MCC: variants seen among roughly 807,000 people sequenced by gnomAD.
The protein encoded by MCC is MCC regulator of Wnt signaling pathway.
Under a neutral mutation model 116.2 loss-of-function variants are expected in MCC, and 90 were observed. That is an observed-to-expected ratio of 0.77 (90% CI 0.65 to 0.92). The LOEUF is 0.92. MCC is among the 40% of genes least tolerant of loss of function. The pLI is 0.00. For synonymous variants in MCC, 578 were observed against 510.5 expected (o/e 1.13, Z -1.78); for missense variants, 1,516 against 1,312.2 (o/e 1.16, Z -2.40).
At chr5:113,112,117 C>G (rs1216000985) in intron 6 of MCC, among the ~76,000 whole-genome samples, 1 of 152,160 alleles carries the variant, frequency 6.6e-6, no homozygotes, top group Non-Finnish European at 1.5e-5. Context: ...GACTTTGCTC[C>G]AAAGTATGGT....
At chr5:113,241,503 G>A (rs11740233) in intron 3 of MCC, among the ~76,000 whole-genome samples, 16,453 of 152,138 alleles carry the variant, frequency 0.11, 1,411 homozygotes, top group Admixed American at 0.25. Context: ...CAAAAAACAG[G>A]AGTGAGACAT....
At chr5:113,176,399 A>C (rs13359897) in intron 3 of MCC, among the ~76,000 whole-genome samples, 7,946 of 152,328 alleles carry the variant, frequency 0.052, 463 homozygotes, top group African/African-American at 0.14. Context: ...TGTGCTGCCA[A>C]CACTCAGACA....
chr5:113,257,836 G>A (rs866123123), intron 3 of MCC, among the ~76,000 whole-genome samples: 2 of 152,150 alleles, frequency 1.3e-5, no homozygotes, highest in Non-Finnish European at 2.9e-5. Context: ...AATACCACAT[G>A]TTCCCGAGGG....
At chr5:113,357,266 T>C (rs945218586) in intron 2 of MCC, among the ~76,000 whole-genome samples, 1 of 152,210 alleles carries the variant, frequency 6.6e-6, no homozygotes, top group African/African-American at 2.4e-5. Flanking sequence ...TAATTACTTA[T>C]TTGGAATCCA....
At chr5:113,372,196 C>T (rs1421440406) in intron 2 of MCC, among the ~76,000 whole-genome samples, 3 of 152,278 alleles carry the variant, frequency 2.0e-5, no homozygotes, top group African/African-American at 7.2e-5. Context: ...ACCTGGATTC[C>T]CACGAACTTT....
intron 3 of MCC, among the ~76,000 whole-genome samples, chr5:113,206,821 A>G (rs1762932773): frequency 6.6e-6 from 1 of 152,230 alleles, no homozygotes; most frequent in Non-Finnish European, 1.5e-5. Context: ...CCTTCGTAAT[A>G]TTTGTATAAC....
chr5:113,187,497 G>A (rs1427764797), intron 3 of MCC, among the ~76,000 whole-genome samples: 1 of 152,104 alleles, frequency 6.6e-6, no homozygotes, highest in Non-Finnish European at 1.5e-5. Flanking sequence ...GGATATTTCA[G>A]GGCTTAGTCA....
chr5:113,164,277 G>A (rs1186854989), intron 3 of MCC, among the ~76,000 whole-genome samples: 2 of 152,174 alleles, frequency 1.3e-5, no homozygotes, highest in Admixed American at 1.3e-4. Context: ...GCTCACTGTT[G>A]GATAGCTACT....
chr5:113,150,136 G>C (rs969870545), intron 4 of MCC, among the ~76,000 whole-genome samples: 7 of 151,954 alleles, frequency 4.6e-5, no homozygotes, highest in Admixed American at 4.6e-4. Flanking sequence ...GGGAATAATA[G>C]AGACAAAGGA....
In MCC at chr5:113,344,186, G is replaced by A. The variant is rs116820841; in HGVS notation, c.416-3456C>T. On this transcript the variant is annotated intron_variant, in intron 2 of 18. Transcript: ENST00000408903. The stretch of plus-strand genomic sequence containing the variant: ...CAGTGCTGCCCTGTCACAGCAGGGA[G>A]CCAAACTGTGAAGACCTCAGTCATT... Among the ~76,000 whole-genome samples, 1,009 of 152,316 alleles carry A rather than the reference G, an allele frequency of 6.6e-3. 9 individuals are homozygous for A. The highest frequency in any genetic ancestry group is 0.023 in the African/African-American group (944 of 41,566).
At chr5:113,402,708 C>A (rs1019330900) in intron 1 of MCC, among the ~76,000 whole-genome samples, 2 of 152,086 alleles carry the variant, frequency 1.3e-5, no homozygotes, top group Non-Finnish European at 2.9e-5. Flanking sequence ...GCACAAGAAG[C>A]AAATGAGGGC....
chr5:113,091,611 G>A (rs922382116), intron 8 of MCC, among the ~76,000 whole-genome samples: 2 of 152,168 alleles, frequency 1.3e-5, no homozygotes, highest in South Asian at 2.1e-4. Flanking sequence ...GGCTAGGCAC[G>A]GTGGCTTTGG....
chr5:113,469,243 C>A (rs902815986), intron 1 of MCC, among the ~76,000 whole-genome samples: 5 of 151,982 alleles, frequency 3.3e-5, no homozygotes, highest in African/African-American at 1.2e-4. Flanking sequence ...TGTGTTTGCT[C>A]TTGCTTTTCT....
rs779467330 is a variant in MCC, at chr5:113,143,310, C to A, written c.792G>T (p.Thr264=). 2 of 1,613,754 alleles carry A rather than the reference C, an allele frequency of 1.2e-6. No individual in the cohort carries two copies. Among genetic ancestry groups the A allele is most frequent in the South Asian group, 1.1e-5 (1 of 91,018 alleles). ...MREHEDVQER[T]TLRYEERITE... ...TGATGCGTTCCTCATAGCGAAGTGT[C>A]GTTCGCTCCTGGACATCCTCATGCT... Residue 264 remains threonine, a synonymous_variant, in exon 5 of 19, where the codon ACG becomes ACT. Transcript: ENST00000408903.
chr5:113,193,265 C>T lies in MCC; in HGVS notation c.628-41843G>A, dbSNP rs1168758369. ...CCTGGATAATACAGGATAACAGCCT[C>T]ATCTCAAGATTCTTAATCGCATATG... On this transcript the variant is annotated intron_variant, in intron 3 of 18. Coordinates refer to ENST00000408903, the MANE Select transcript of MCC (RefSeq NM_001085377.2). Among the ~76,000 whole-genome samples, 5 of 150,860 alleles carry T rather than the reference C, an allele frequency of 3.3e-5. No individual in the cohort carries two copies. In the East Asian group the frequency reaches 9.9e-4, roughly 30 times the overall value.
chr5:113,327,010 G>C (rs7709646), intron 3 of MCC, among the ~76,000 whole-genome samples: 19,192 of 152,134 alleles, frequency 0.13, 1,339 homozygotes, highest in Non-Finnish European at 0.17. Flanking sequence ...AACAAAAATG[G>C]TTCCTAAATT....
intron 5 of MCC, among the ~76,000 whole-genome samples, chr5:113,139,513 TC>T (rs1163299943): frequency 1.3e-5 from 2 of 152,172 alleles, no homozygotes; most frequent in Admixed American, 6.5e-5. Flanking sequence ...AAGCTCATCA[TC>T]ACTGGTCATT....
At chr5:113,230,144 T>C (rs1763890215) in intron 3 of MCC, among the ~76,000 whole-genome samples, 1 of 152,246 alleles carries the variant, frequency 6.6e-6, no homozygotes, top group Non-Finnish European at 1.5e-5. Context: ...TAATCCTTTT[T>C]CCTACAAAAT....
At chr5:113,033,530 G>C (rs1428361279) in intron 17 of MCC, among the ~76,000 whole-genome samples, 1 of 152,146 alleles carries the variant, frequency 6.6e-6, no homozygotes, top group Non-Finnish European at 1.5e-5. Context: ...CTTTCGTTAA[G>C]ATTTTATATG....
Sources: gnomAD v4.1 joint callset for allele counts (sites outside exome capture counted in the v4.1 genomes callset) on GRCh38, gnomAD v4.1.1 for gene constraint, MANE v1.5 for transcripts, NCBI Gene and HGNC (gene_info 2026-07-23, HGNC 2026-07-21) for gene names.